SOX5: variants seen among roughly 807,000 people sequenced by gnomAD.
SOX5 encodes the protein transcription factor SOX-5.
Under a neutral mutation model 92.0 loss-of-function variants are expected in SOX5, and 9 were observed. The ratio of observed to expected loss-of-function variants is 0.10; its 90% CI spans 0.06 to 0.17. The LOEUF is 0.17. Ranked by LOEUF, SOX5 falls within the 10% of genes least tolerant of loss-of-function variation. The pLI is 1.00. For synonymous variants in SOX5, 344 were observed against 336.3 expected (o/e 1.02, Z -0.25); for missense variants, 642 against 944.5 (o/e 0.68, Z 4.20).
chr12:23,537,036 CTAAT>C (rs1208572872), intron 13 of SOX5, among the ~76,000 whole-genome samples: 1 of 151,996 alleles, frequency 6.6e-6, no homozygotes, highest in African/African-American at 2.4e-5. Context: ...GAATCTGAGA[CTAAT>C]TATCTAGTTA....
chr12:23,661,302 A>G (rs2083015912), intron 7 of SOX5, among the ~76,000 whole-genome samples: 1 of 152,184 alleles, frequency 6.6e-6, no homozygotes, highest in Non-Finnish European at 1.5e-5. Context: ...GTCTCTAGTA[A>G]TAAAACAATC....
chr12:23,978,526 C>T (rs1388241665), intron 4 of SOX5, among the ~76,000 whole-genome samples: 2 of 152,160 alleles, frequency 1.3e-5, no homozygotes, highest in African/African-American at 4.8e-5. Context: ...CTAAGCTGTT[C>T]AATGCACCTT....
chr12:24,460,114 G>T (rs925270706), intron 1 of SOX5, among the ~76,000 whole-genome samples: 3 of 152,204 alleles, frequency 2.0e-5, no homozygotes, highest in African/African-American at 7.2e-5. Context: ...GGTGCAAAAT[G>T]ACAGCAGCTA....
At chr12:23,913,890 T>C (rs990960211) in intron 1 of SOX5, among the ~76,000 whole-genome samples, 1 of 152,212 alleles carries the variant, frequency 6.6e-6, no homozygotes, top group East Asian at 1.9e-4. Flanking sequence ...TCTTCATTTA[T>C]ATGCTTAGAA....
At chr12:23,785,438 A>G (rs1484998809) in intron 3 of SOX5, among the ~76,000 whole-genome samples, 1 of 152,174 alleles carries the variant, frequency 6.6e-6, no homozygotes, top group Non-Finnish European at 1.5e-5. Context: ...AAGCGGTGGA[A>G]TGTTGCAAAA....
intron 1 of SOX5, among the ~76,000 whole-genome samples, chr12:24,541,019 C>A (rs560167894): frequency 2.4e-4 from 37 of 152,190 alleles, no homozygotes; most frequent in Admixed American, 9.2e-4. Context: ...TTTTTTAAAA[C>A]CCTATTTTCA....
intron 7 of SOX5, among the ~76,000 whole-genome samples, chr12:23,657,124 T>C (rs2082402132): frequency 1.5e-5 from 1 of 67,434 alleles, no homozygotes; most frequent in Admixed American, 1.2e-4. Context: ...TCTCTTTTCA[T>C]TGTTGGAATG....
chr12:24,411,633 GC>G (rs1359628240), intron 1 of SOX5, among the ~76,000 whole-genome samples: 4 of 152,136 alleles, frequency 2.6e-5, no homozygotes, highest in Non-Finnish European at 5.9e-5. Context: ...TACTGAGCCA[GC>G]CTTGAATCCC....
Position 23,534,487 on chromosome 12 carries a change from A to C in SOX5, c.2024T>G (p.Val675Gly), listed in dbSNP as rs1422730485. The C allele has an allele frequency of 6.2e-7, 1 of 1,613,656 alleles. No individual in the cohort carries two copies. Among genetic ancestry groups the C allele is most frequent in the Non-Finnish European group, 8.5e-7 (1 of 1,179,948 alleles). Residue 675 changes from valine to glycine, a missense_variant, in exon 15 of 15, where the codon GTT becomes GGT. Physicochemically the swap from Val to Gly is moderately radical, Grantham distance 109 (BLOSUM62 -3). Transcript: ENST00000451604. ...QAQIPIATAG[V>G]VYPGAIAMAG... ...CATGGCGATGGCTCCAGGGTACACA[A>C]CACCAGCAGTGGCAATGGGGATCTG...
At chr12:23,621,003 T>C (rs2077107543) in intron 8 of SOX5, among the ~76,000 whole-genome samples, 1 of 152,160 alleles carries the variant, frequency 6.6e-6, no homozygotes, top group Non-Finnish European at 1.5e-5. Context: ...TCTTTCATTA[T>C]TTGTCACATA....
intron 3 of SOX5, among the ~76,000 whole-genome samples, chr12:24,257,863 G>A (rs566210968): frequency 1.3e-5 from 2 of 151,724 alleles, no homozygotes; most frequent in Non-Finnish European, 2.9e-5. Context: ...CTGACAACAC[G>A]GTTTTATTTT....
intron 2 of SOX5, among the ~76,000 whole-genome samples, chr12:23,890,090 C>T (rs956059867): frequency 1.3e-5 from 2 of 152,094 alleles, no homozygotes; most frequent in Admixed American, 6.5e-5. Flanking sequence ...GAGGGCAAGG[C>T]GGGCGGATTA....
intron 3 of SOX5, among the ~76,000 whole-genome samples, chr12:24,256,206 C>T (rs948356681): frequency 3.3e-5 from 5 of 152,112 alleles, no homozygotes; most frequent in Admixed American, 1.3e-4. Flanking sequence ...ATAATCAGTG[C>T]AGAAGGAAAA....
intron 4 of SOX5, among the ~76,000 whole-genome samples, chr12:23,979,637 CA>C (rs1949289175): frequency 6.8e-6 from 1 of 147,550 alleles, no homozygotes; most frequent in Non-Finnish European, 1.5e-5. Flanking sequence ...TTAATTTTCC[CA>C]GCATGAGAAC....
At chr12:23,911,842 C>T (rs1047133182) in intron 1 of SOX5, among the ~76,000 whole-genome samples, 3 of 152,060 alleles carry the variant, frequency 2.0e-5, no homozygotes, top group Admixed American at 6.6e-5. Context: ...AAACCATAAA[C>T]CACTTAGAAG....
intron 4 of SOX5, among the ~76,000 whole-genome samples, chr12:23,994,874 A>G (rs1950890844): frequency 6.6e-6 from 1 of 152,174 alleles, no homozygotes. Flanking sequence ...CTGTTACTGT[A>G]TTCCTCTCTG....
chr12:24,161,992 A>C (rs1207457207), intron 4 of SOX5, among the ~76,000 whole-genome samples: 1 of 152,112 alleles, frequency 6.6e-6, no homozygotes, highest in Non-Finnish European at 1.5e-5. Flanking sequence ...AATAGAAATC[A>C]TTGGTAAGGA....
intron 4 of SOX5, among the ~76,000 whole-genome samples, chr12:23,748,830 G>T (rs890816204): frequency 1.3e-5 from 2 of 151,852 alleles, no homozygotes; most frequent in Non-Finnish European, 2.9e-5. Flanking sequence ...ATCATTCATT[G>T]TATTGCCTTT....
At chr12:24,103,626 T>C (rs1946345966) in intron 4 of SOX5, among the ~76,000 whole-genome samples, 1 of 152,192 alleles carries the variant, frequency 6.6e-6, no homozygotes, top group Non-Finnish European at 1.5e-5. Flanking sequence ...AATATCATTA[T>C]CTGAATTCAC....
Sources: allele counts gnomAD v4.1 joint callset (sites outside exome capture counted in the v4.1 genomes callset), GRCh38; gene constraint gnomAD v4.1.1; transcripts MANE v1.5; gene names NCBI Gene and HGNC (gene_info 2026-07-23, HGNC 2026-07-21).